NPAS3: variants seen among roughly 807,000 people sequenced by gnomAD.
NPAS3 encodes the protein neuronal PAS domain protein 3.
A neutral mutation model predicts 73.1 loss-of-function variants in NPAS3; 14 were observed. The observed-to-expected ratio is 0.19, with a 90% CI of 0.13 to 0.30. The LOEUF is 0.30. Ranked by LOEUF, NPAS3 falls within the 10% of genes least tolerant of loss-of-function variation. NPAS3 has a pLI of 1.00. For synonymous variants in NPAS3, 620 were observed against 541.5 expected (o/e 1.14, Z -2.01); for missense variants, 1,096 against 1,250.0 (o/e 0.88, Z 1.86).
rs1361918516 is a variant in NPAS3, at chr14:33,638,041, A to G, written c.559-38170A>G. On this transcript the variant is annotated intron_variant, in intron 5 of 11. Coordinates refer to ENST00000356141, the Ensembl canonical transcript of NPAS3. ...TTTGAAAGGAGCATGCATTTTATGA[A>G]AGGAAGTACCAGAAACTGAGCAGAC... Among the ~76,000 whole-genome samples, 9 of 152,158 alleles carry G rather than the reference A, an allele frequency of 5.9e-5. 1 individual carries two copies. Among genetic ancestry groups the G allele is most frequent in the African/African-American group, 2.2e-4 (9 of 41,426 alleles).
chr14:33,259,070 T>C (rs901580875), intron 3 of NPAS3, among the ~76,000 whole-genome samples: 2 of 152,202 alleles, frequency 1.3e-5, no homozygotes, highest in African/African-American at 2.4e-5. Context: ...TCCTCGGCCT[T>C]CCAAAGTGCT....
chr14:33,731,074 G>A (rs1595517251), intron 6 of NPAS3, among the ~76,000 whole-genome samples: 2 of 151,890 alleles, frequency 1.3e-5, no homozygotes, highest in Admixed American at 6.6e-5. Context: ...TCAGGATTTG[G>A]TGGGGGCTGG....
At chr14:33,461,067 G>A (rs551017027) in intron 4 of NPAS3, among the ~76,000 whole-genome samples, 38 of 152,238 alleles carry the variant, frequency 2.5e-4, no homozygotes, top group African/African-American at 7.9e-4. Context: ...AAACTGGTGC[G>A]GACGATACTA....
In NPAS3 at chr14:33,289,799, G is replaced by A. The variant is rs144359752; in HGVS notation, c.385+74373G>A. On this transcript the variant is annotated intron_variant, in intron 3 of 11. Transcript: ENST00000356141. Reference sequence around the variant, plus strand: ...ATTGCACCACTGCACTCTAGACTGGGCAACAGAGCAAGACTCCGTCTCAAA... The same window carrying A: ...ATTGCACCACTGCACTCTAGACTGGACAACAGAGCAAGACTCCGTCTCAAA... Among the ~76,000 whole-genome samples, 62 of 148,856 alleles carry A rather than the reference G, an allele frequency of 4.2e-4. No homozygotes were observed. The South Asian group carries it at 5.6e-3, about 13-fold the overall frequency.
At chr14:33,498,933 A>AGT (rs1466938045) in intron 4 of NPAS3, among the ~76,000 whole-genome samples, 46 of 76,986 alleles carry the variant, frequency 6.0e-4, no homozygotes, top group African/African-American at 1.8e-3. Flanking sequence ...AGACAGAGAG[A>AGT]GAGTGTGTGT....
chr14:32,969,090 G>T (rs2037313327), intron 1 of NPAS3, among the ~76,000 whole-genome samples: 1 of 152,234 alleles, frequency 6.6e-6, no homozygotes, highest in Admixed American at 6.5e-5. Flanking sequence ...TTCTAAAATG[G>T]CTCAACACAT....
rs1594834773 is a variant in NPAS3, at chr14:33,398,893, CCTGAGGTT to C, written c.468+31626_468+31633del. On this transcript the variant is annotated intron_variant, in intron 4 of 11. Transcript: ENST00000356141. Reference sequence around the variant, plus strand: ...TCATTTTTTTTTATTCTAAGGGGCTCCTGAGGTTATATTTTGCTACAATATGAAAATTA... The same window carrying C: ...TCATTTTTTTTTATTCTAAGGGGCTCATATTTTGCTACAATATGAAAATTA... 8.6e-5 allele frequency among the ~76,000 whole-genome samples: 13 copies of C among 152,046 alleles called. No individual in the cohort carries two copies. In the East Asian group the frequency reaches 2.5e-3, roughly 29 times the overall value.
At chr14:33,438,936 C>T (rs1270141347) in intron 4 of NPAS3, among the ~76,000 whole-genome samples, 1 of 152,132 alleles carries the variant, frequency 6.6e-6, no homozygotes, top group Non-Finnish European at 1.5e-5. Flanking sequence ...CAGTGACATA[C>T]CTACATTTAT....
intron 9 of NPAS3, 83 bp from the exon 10 acceptor site, chr14:33,793,814 A>T: frequency 7.3e-7 from 1 of 1,361,074 alleles, no homozygotes; most frequent in Non-Finnish European, 9.9e-7. Context: ...TTTAGGCTTA[A>T]GGTTTTGCAG....
At chr14:33,391,828 G>T (rs1032277976) in intron 4 of NPAS3, among the ~76,000 whole-genome samples, 1 of 152,120 alleles carries the variant, frequency 6.6e-6, no homozygotes, top group African/African-American at 2.4e-5. Flanking sequence ...GTATATTGAT[G>T]ACAGACAGTA....
At chr14:32,978,862 G>A (rs1195632213) in intron 1 of NPAS3, among the ~76,000 whole-genome samples, 1 of 152,170 alleles carries the variant, frequency 6.6e-6, no homozygotes, top group African/African-American at 2.4e-5. Flanking sequence ...GTTTCAGGCT[G>A]ATATTTTCCT....
chr14:33,135,257 A>G (rs2043790039), intron 2 of NPAS3, among the ~76,000 whole-genome samples: 1 of 152,180 alleles, frequency 6.6e-6, no homozygotes, highest in Non-Finnish European at 1.5e-5. Flanking sequence ...GTAAATTCGG[A>G]CAAACCAATG....
At chr14:33,594,453 G>A (rs914369061) in intron 5 of NPAS3, among the ~76,000 whole-genome samples, 12 of 152,160 alleles carry the variant, frequency 7.9e-5, no homozygotes, top group African/African-American at 2.7e-4. Context: ...AAAGTCTCAG[G>A]ATCAGCTTCT....
chr14:33,538,499 T>C (rs943786519), intron 4 of NPAS3, among the ~76,000 whole-genome samples: 4 of 152,232 alleles, frequency 2.6e-5, no homozygotes, highest in African/African-American at 9.6e-5. Context: ...GCAGTTTGTC[T>C]CTTACAGTAG....
intron 3 of NPAS3, among the ~76,000 whole-genome samples, chr14:33,267,002 G>C (rs1017557265): frequency 6.6e-6 from 1 of 152,158 alleles, no homozygotes; most frequent in African/African-American, 2.4e-5. Flanking sequence ...AGAATTGTTT[G>C]GGATGGGTAA....
At chr14:33,716,787 G>T (rs1256492157) in intron 6 of NPAS3, among the ~76,000 whole-genome samples, 1 of 151,822 alleles carries the variant, frequency 6.6e-6, no homozygotes, top group African/African-American at 2.4e-5. Flanking sequence ...TGTCCTTTTT[G>T]TTGCTGTTGT....
chr14:33,343,414 T>C (rs17100709), intron 3 of NPAS3, among the ~76,000 whole-genome samples: 3,816 of 152,296 alleles, frequency 0.025, 159 homozygotes, highest in African/African-American at 0.086. Flanking sequence ...CCACCTCTGC[T>C]ACTATATCCA....
chr14:33,340,080 A>AT (rs1330390676), intron 3 of NPAS3, among the ~76,000 whole-genome samples: 2 of 152,034 alleles, frequency 1.3e-5, no homozygotes, highest in African/African-American at 2.4e-5. Flanking sequence ...TATGGTTTCC[A>AT]TTTTTTGAAT....
chr14:33,097,973 G>T (rs943913328), intron 2 of NPAS3, among the ~76,000 whole-genome samples: 1 of 151,522 alleles, frequency 6.6e-6, no homozygotes, highest in Non-Finnish European at 1.5e-5. Context: ...TCATTTAATT[G>T]TATCTGTAGA....
Sources: allele counts gnomAD v4.1 joint callset (sites outside exome capture counted in the v4.1 genomes callset), GRCh38; gene constraint gnomAD v4.1.1; transcripts MANE v1.5; gene names NCBI Gene and HGNC (gene_info 2026-07-23, HGNC 2026-07-21).